The following DIRAS2 variants were observed in gnomAD, a reference collection of about 807,000 sequenced individuals.
DIRAS2 encodes DIRAS family GTPase 2, also known as GTP-binding protein Di-Ras2.
DIRAS2 carries 5 observed loss-of-function variants against 13.9 expected under a neutral mutation model. The ratio of observed to expected loss-of-function variants is 0.36; its 90% CI spans 0.19 to 0.76. DIRAS2 has a LOEUF of 0.76. DIRAS2 is among the 30% of genes least tolerant of loss of function. DIRAS2 has a pLI of 0.53. For missense variants in DIRAS2, 191 were observed against 263.0 expected (o/e 0.73, Z 1.89); for synonymous variants, 111 against 105.4 (o/e 1.05, Z -0.33).
chr9:90,626,592 AC>A, intron 1 of DIRAS2, among the ~76,000 whole-genome samples: 1 of 152,222 alleles, frequency 6.6e-6, no homozygotes, highest in East Asian at 1.9e-4. Context: ...ACCGCTTCAC[AC>A]CCACTAGAAT....
chr9:90,629,997 TTC>T (rs1331238895), intron 1 of DIRAS2, among the ~76,000 whole-genome samples: 1 of 152,350 alleles, frequency 6.6e-6, no homozygotes, highest in East Asian at 1.9e-4. Flanking sequence ...GCTAGAATGA[TTC>T]TCTTTCAACA....
chr9:90,636,119 G>T (rs374888948), intron 1 of DIRAS2, among the ~76,000 whole-genome samples: 1 of 130,754 alleles, frequency 7.6e-6, no homozygotes, highest in African/African-American at 3.0e-5. Flanking sequence ...CTCACTGCAA[G>T]CTCCGCCTCC....
chr9:90,638,620 A>G (rs1458162334), intron 1 of DIRAS2, among the ~76,000 whole-genome samples: 1 of 149,804 alleles, frequency 6.7e-6, no homozygotes, highest in East Asian at 1.9e-4. Context: ...GGAGGCAATG[A>G]AATACTCCAT....
intron 1 of DIRAS2, among the ~76,000 whole-genome samples, chr9:90,630,759 A>G (rs1001642884): frequency 2.0e-5 from 3 of 152,232 alleles, no homozygotes; most frequent in African/African-American, 7.2e-5. Context: ...GCTATATAGC[A>G]GAGCAGGTAT....
In DIRAS2 at chr9:90,612,985, A is replaced by T; in HGVS notation, c.*243T>A. On this transcript the variant is annotated 3_prime_UTR_variant, in exon 2 of 2. Transcript: ENST00000375765. ...CCTTCAGCAATTGCTGGCACCTCTC[A>T]GTTCCCAGGGATGCTGAGTGTGTTG... is the stretch of plus-strand genomic sequence containing the variant. 1.9e-6 allele frequency: 1 copy of T among 531,036 alleles called. No homozygotes were observed. The highest frequency in any genetic ancestry group is 3.3e-6 in the Non-Finnish European group (1 of 302,866). The allele number at this position is 531,036 out of a possible 1,614,324, so 32.9% of individuals were successfully genotyped here. A position where few individuals can be genotyped will look rare whatever the true frequency, so the allele number is the denominator to read the frequency against.
At chr9:90,629,676 C>A (rs898969029) in intron 1 of DIRAS2, among the ~76,000 whole-genome samples, 2 of 152,198 alleles carry the variant, frequency 1.3e-5, no homozygotes, top group African/African-American at 2.4e-5. Flanking sequence ...TGCCTATAAC[C>A]TATGCACATC....
chr9:90,614,198 C>T (rs1008125827), intron 1 of DIRAS2, among the ~76,000 whole-genome samples: 2 of 152,032 alleles, frequency 1.3e-5, no homozygotes, highest in Admixed American at 6.6e-5. Context: ...TAACTACCCC[C>T]GTAAAAACAC....
chr9:90,630,728 T>C (rs538524988), intron 1 of DIRAS2, among the ~76,000 whole-genome samples: 1 of 152,346 alleles, frequency 6.6e-6, no homozygotes, highest in South Asian at 2.1e-4. Flanking sequence ...TGTTTTCTGC[T>C]AGGTAGGTCT....
intron 1 of DIRAS2, among the ~76,000 whole-genome samples, chr9:90,637,083 A>G (rs1239482315): frequency 6.6e-6 from 1 of 152,232 alleles, no homozygotes; most frequent in East Asian, 1.9e-4. Flanking sequence ...TAGTGAGAGA[A>G]TATCATAAAA....
At chr9:90,614,734 A>G (rs1202071867) in intron 1 of DIRAS2, among the ~76,000 whole-genome samples, 1 of 152,218 alleles carries the variant, frequency 6.6e-6, no homozygotes, top group Non-Finnish European at 1.5e-5. Context: ...TGATTATATA[A>G]GCTTTATTTT....
chr9:90,630,931 G>A (rs1178338732), intron 1 of DIRAS2, among the ~76,000 whole-genome samples: 2 of 152,100 alleles, frequency 1.3e-5, no homozygotes, highest in African/African-American at 2.4e-5. Flanking sequence ...ATGTAAATGT[G>A]TTCTTAAAAT....
chr9:90,618,884 C>G (rs571044354), intron 1 of DIRAS2, among the ~76,000 whole-genome samples: 2 of 152,266 alleles, frequency 1.3e-5, no homozygotes, highest in South Asian at 4.1e-4. Context: ...CTATAACAAG[C>G]CTGTAATCCC....
intron 1 of DIRAS2, among the ~76,000 whole-genome samples, chr9:90,625,047 T>C (rs774816231): frequency 6.6e-6 from 1 of 152,234 alleles, no homozygotes; most frequent in Non-Finnish European, 1.5e-5. Flanking sequence ...ACAAACAAGA[T>C]TGTTGTCTTG....
chr9:90,640,665 T>C (rs1825411047), intron 1 of DIRAS2, among the ~76,000 whole-genome samples: 2 of 152,218 alleles, frequency 1.3e-5, no homozygotes, highest in Non-Finnish European at 2.9e-5. Context: ...TGATGATAGA[T>C]AGAGGCAATC....
chr9:90,622,847 G>A (rs1162838831), intron 1 of DIRAS2, among the ~76,000 whole-genome samples: 1 of 152,098 alleles, frequency 6.6e-6, no homozygotes, highest in Non-Finnish European at 1.5e-5. Context: ...GGCTGGGCGG[G>A]GAGAGACGGG....
At chr9:90,625,715 T>C (rs1301719295) in intron 1 of DIRAS2, among the ~76,000 whole-genome samples, 1 of 152,222 alleles carries the variant, frequency 6.6e-6, no homozygotes, top group Non-Finnish European at 1.5e-5. Flanking sequence ...TTTTGTTTAC[T>C]GTAACTTTGT....
chr9:90,623,144 T>C (rs1245076057), intron 1 of DIRAS2, among the ~76,000 whole-genome samples: 1 of 152,246 alleles, frequency 6.6e-6, no homozygotes, highest in African/African-American at 2.4e-5. Flanking sequence ...CTCGCTTATC[T>C]GAGCTCTCTG....
intron 1 of DIRAS2, among the ~76,000 whole-genome samples, chr9:90,617,282 A>C (rs1372062244): frequency 6.6e-6 from 1 of 152,208 alleles, no homozygotes; most frequent in Non-Finnish European, 1.5e-5. Context: ...TTTATGGGAC[A>C]AATGGGGGAG....
chr9:90,632,881 G>A (rs531913545), intron 1 of DIRAS2, among the ~76,000 whole-genome samples: 5 of 152,340 alleles, frequency 3.3e-5, no homozygotes, highest in Admixed American at 1.3e-4. Flanking sequence ...GGGCTTCCAG[G>A]CTGCAACCAC....
Sources: allele counts gnomAD v4.1 joint callset (sites outside exome capture counted in the v4.1 genomes callset), GRCh38; gene constraint gnomAD v4.1.1; transcripts MANE v1.5; gene names NCBI Gene and HGNC (gene_info 2026-07-23, HGNC 2026-07-21).